ZNF469: variants seen among roughly 807,000 people sequenced by gnomAD.
ZNF469 encodes zinc finger protein 469.
A neutral mutation model predicts 1.0 loss-of-function variants in ZNF469; 1 was observed. The ratio of observed to expected loss-of-function variants is 1.00; its 90% CI spans 0.35 to 4.73. ZNF469 has a LOEUF of 4.73. Among genes scored for constraint, ZNF469 ranks in the 30% most tolerant of loss-of-function variants. ZNF469 has a pLI of 0.16. For synonymous variants in ZNF469, 2,703 were observed against 2,363.4 expected, an observed-to-expected ratio of 1.14 and a Z score of -4.17; for missense variants, 6,100 against 5,356.3, an observed-to-expected ratio of 1.14 and a Z score of -4.33.
At chr16:88,138,549 T>C in the ZNF469 span, among the ~76,000 whole-genome samples, 4 of 152,180 alleles carry the variant, frequency 2.6e-5, no homozygotes, top group Admixed American at 2.6e-4. Context: ...CTAGACACAA[T>C]ATTAGTAAAC....
In ZNF469 at chr16:88,435,674, T is replaced by C. The variant is rs545477758; in HGVS notation, c.8204T>C (p.Met2735Thr). The C allele has an allele frequency of 1.3e-6, 2 of 1,550,238 alleles. No individual in the cohort carries two copies. Among genetic ancestry groups the C allele is most frequent in the African/African-American group, 2.7e-5 (2 of 73,036 alleles). ...PGDRMLCPGR[M>T]DGAALGEQPT... ...GATCGGATGCTGTGTCCAGGGAGGA[T>C]GGATGGTGCAGCTCTGGGGGAACAG... Residue 2735 changes from methionine (M) to threonine (T), a missense_variant, in exon 3 of 3, where the codon ATG (methionine) becomes ACG (threonine). Coordinates refer to ENST00000565624, the MANE Select transcript of ZNF469 (RefSeq NM_001367624.2).
chr16:88,256,896 T>TCTCTCTCTCTCTCTCTCTCTCTC, the ZNF469 span, among the ~76,000 whole-genome samples: 3 of 27,108 alleles, frequency 1.1e-4, no homozygotes, highest in Admixed American at 4.1e-4. Context: ...TTTTCTTTCC[T>TCTCTCTCTCTCTCTCTCTCTCTC]TCTTTCTTTC....
chr16:88,400,145 G>T (rs1904813612), intron 1 of ZNF469, among the ~76,000 whole-genome samples: 1 of 152,248 alleles, frequency 6.6e-6, no homozygotes, highest in Admixed American at 6.5e-5. Context: ...GAGGCGCAGA[G>T]CCAATGGCCT....
the ZNF469 span, among the ~76,000 whole-genome samples, chr16:88,322,108 A>C: frequency 7.2e-5 from 11 of 152,368 alleles, no homozygotes; most frequent in Non-Finnish European, 1.2e-4. Context: ...CTACAGCATC[A>C]TGGAGCCACG....
the ZNF469 span, among the ~76,000 whole-genome samples, chr16:88,256,229 C>A: frequency 6.6e-6 from 1 of 152,270 alleles, no homozygotes; most frequent in African/African-American, 2.4e-5. Context: ...CCTGCCAGCC[C>A]CGGGCAACCA....
Position 88,411,461 on chromosome 16 carries a change from TGGGCAGGG to T in ZNF469, c.-191-13344_-191-13337del, listed in dbSNP as rs1905159593. ...GCAGGTGAGCAGGCAGGGGTGCGAG[TGGGCAGGG>T]GTGCAAGCAGGCAGGGGTGCGAGCG... is the stretch of plus-strand genomic sequence containing the variant. On this transcript the variant is annotated intron_variant, in intron 1 of 2. Transcript: ENST00000565624. 1.5e-4 allele frequency among the ~76,000 whole-genome samples: 22 copies of T among 142,318 alleles called. 1 individual carries two copies. The South Asian group carries it at 4.4e-3, about 29-fold the overall frequency. 93.4% of individuals were successfully genotyped at this position (142,318 alleles called of 152,430 possible).
the ZNF469 span, among the ~76,000 whole-genome samples, chr16:88,278,761 C>T: frequency 0.51 from 66,871 of 130,160 alleles, 22,313 homozygotes; most frequent in African/African-American, 0.6. Flanking sequence ...TGCTGCGCCA[C>T]GCCGACACTT....
At chr16:88,242,931 G>T in the ZNF469 span, among the ~76,000 whole-genome samples, 2 of 152,210 alleles carry the variant, frequency 1.3e-5, no homozygotes, top group Non-Finnish European at 2.9e-5. Context: ...ATCCTTTATG[G>T]AATGAACAAA....
the ZNF469 span, among the ~76,000 whole-genome samples, chr16:88,289,951 C>T: frequency 6.6e-6 from 1 of 152,206 alleles, no homozygotes; most frequent in Non-Finnish European, 1.5e-5. Context: ...GGCTGATGGA[C>T]ATTGTCTGGA....
the ZNF469 span, among the ~76,000 whole-genome samples, chr16:88,352,935 G>C: frequency 6.6e-6 from 1 of 152,278 alleles, no homozygotes; most frequent in Non-Finnish European, 1.5e-5. Context: ...GGGAGGTGGG[G>C]GCAGAGAGCC....
chr16:88,153,365 T>C, the ZNF469 span, among the ~76,000 whole-genome samples: 2 of 152,232 alleles, frequency 1.3e-5, no homozygotes, highest in Non-Finnish European at 2.9e-5. Context: ...TGGGCTGGTC[T>C]AGAAGAGTCT....
the ZNF469 span, among the ~76,000 whole-genome samples, chr16:88,260,542 T>C: frequency 0.033 from 5,086 of 152,266 alleles, 215 homozygotes; most frequent in East Asian, 0.16. The surrounding 1 kb of genome is among the most constrained non-coding windows in gnomAD (Gnocchi z 4.1). Context: ...TCACAAATTT[T>C]GAGAAATTGG....
At chr16:88,297,665 C>T in the ZNF469 span, among the ~76,000 whole-genome samples, 1 of 152,130 alleles carries the variant, frequency 6.6e-6, no homozygotes, top group African/African-American at 2.4e-5. Flanking sequence ...TGCTCTGTCC[C>T]CACGCACCCT....
At chr16:88,194,733 C>T in the ZNF469 span, 3 of 152,244 alleles carry the variant, frequency 2.0e-5, no homozygotes, top group African/African-American at 4.8e-5. Context: ...CCTCCATCTG[C>T]TTTTTCCCCA....
chr16:88,169,080 G>A, the ZNF469 span, among the ~76,000 whole-genome samples: 1 of 152,134 alleles, frequency 6.6e-6, no homozygotes, highest in African/African-American at 2.4e-5. This position sits in a 1 kb window ranked among gnomAD's most constrained non-coding sequence, Gnocchi z 6.1. Context: ...GGACACCAGG[G>A]GACAGGCCGG....
chr16:88,326,049 G>T, the ZNF469 span, among the ~76,000 whole-genome samples: 1 of 152,238 alleles, frequency 6.6e-6, no homozygotes, highest in Non-Finnish European at 1.5e-5. Context: ...CAGAGAGGAG[G>T]GGCTGCCAAC....
At chr16:88,401,465 GGGC>G (rs371211410) in intron 1 of ZNF469, among the ~76,000 whole-genome samples, 4 of 152,016 alleles carry the variant, frequency 2.6e-5, no homozygotes, top group Admixed American at 6.5e-5. Flanking sequence ...ATAGGTGGGT[GGGC>G]AGATGGATGG....
chr16:88,352,455 G>A, the ZNF469 span, among the ~76,000 whole-genome samples: 3 of 152,236 alleles, frequency 2.0e-5, no homozygotes, highest in Admixed American at 1.3e-4. Context: ...GGTTGCCTGT[G>A]TGGAGGCTGA....
Position 88,432,339 on chromosome 16 carries a change from G to C in ZNF469, c.4869G>C (p.Ser1623=). ...CCGTGCCCCACGAGGACACGTTCTC[G>C]GCAGCTGACCTCACGCGCGTTGGAG... The part of the protein sequence containing the change: ...QATVPHEDTF[S]AADLTRVGES... Residue 1623 remains serine (S), a synonymous_variant, in exon 3 of 3, where the codon TCG becomes TCC. Transcript: ENST00000565624. 6.5e-7 allele frequency: 1 copy of C among 1,548,312 alleles called. No homozygotes were observed. Among genetic ancestry groups the C allele is most frequent in the Non-Finnish European group, 8.7e-7 (1 of 1,146,878 alleles).
Sources: allele counts gnomAD v4.1 joint callset (sites outside exome capture counted in the v4.1 genomes callset), GRCh38; gene constraint gnomAD v4.1.1; non-coding constraint Gnocchi (gnomAD v3.1); transcripts MANE v1.5; gene names NCBI Gene and HGNC (gene_info 2026-07-23, HGNC 2026-07-21).